The following GPHN variants were observed in gnomAD, a reference collection of about 807,000 sequenced individuals.
GPHN encodes gephyrin.
A neutral mutation model predicts 95.5 loss-of-function variants in GPHN; 17 were observed. The ratio of observed to expected loss-of-function variants is 0.18; its 90% CI spans 0.12 to 0.27. The LOEUF (loss-of-function observed/expected upper bound fraction) is 0.27, where lower values mean the gene tolerates loss of function less well. Among genes scored for constraint, GPHN ranks in the 10% least tolerant of loss-of-function variants. The pLI is 1.00. For synonymous variants in GPHN, 320 were observed against 322.5 expected, an observed-to-expected ratio of 0.99 and a Z score of 0.08; for missense variants, 660 against 978.1, an observed-to-expected ratio of 0.67 and a Z score of 4.34.
chr14:67,433,324 T>A, the GPHN span, among the ~76,000 whole-genome samples: 5 of 151,858 alleles, frequency 3.3e-5, no homozygotes, highest in African/African-American at 1.2e-4. Flanking sequence ...AGAATGAGAG[T>A]AAGAGTGGGA....
chr14:67,662,036 T>G, the GPHN span, among the ~76,000 whole-genome samples: 2 of 152,014 alleles, frequency 1.3e-5, no homozygotes, highest in Middle Eastern at 6.8e-3. Flanking sequence ...CCCACCTGTA[T>G]TCCCAGCTAC....
At chr14:67,091,913 G>A (rs973370116) in intron 12 of GPHN, among the ~76,000 whole-genome samples, 10 of 151,490 alleles carry the variant, frequency 6.6e-5, no homozygotes, top group East Asian at 5.8e-4. Context: ...ATTATCTACC[G>A]TGAAGCTGAT....
the GPHN span, among the ~76,000 whole-genome samples, chr14:67,373,842 A>AGTGTGTGTGTGTGTGT: frequency 3.0e-4 from 44 of 145,798 alleles, no homozygotes; most frequent in African/African-American, 8.2e-4. Flanking sequence ...TAATTTGTTC[A>AGTGTGTGTGTGTGTGT]GTGTGTGTGT....
intron 1 of GPHN, among the ~76,000 whole-genome samples, chr14:66,545,772 G>A (rs865876247): frequency 1.5e-4 from 23 of 148,582 alleles, no homozygotes; most frequent in Middle Eastern, 3.7e-3. Flanking sequence ...GGGGCAGCTG[G>A]CCGGGCAGAG....
chr14:67,073,313 G>C (rs776199497), intron 11 of GPHN, among the ~76,000 whole-genome samples: 1 of 152,116 alleles, frequency 6.6e-6, no homozygotes, highest in South Asian at 2.1e-4. Flanking sequence ...CCCATTGGAC[G>C]TAAGTGCTAC....
At chr14:67,639,240 T>G in the GPHN span, among the ~76,000 whole-genome samples, 1 of 152,250 alleles carries the variant, frequency 6.6e-6, no homozygotes, top group East Asian at 1.9e-4. Flanking sequence ...TATCTGAGTC[T>G]ACATCCTGGT....
intron 1 of GPHN, among the ~76,000 whole-genome samples, chr14:66,550,714 C>T (rs149814205): frequency 0.013 from 2,022 of 152,294 alleles, 21 homozygotes; most frequent in Middle Eastern, 0.02. Context: ...ATTGCCACAG[C>T]CACCCCAACC....
intron 2 of GPHN, among the ~76,000 whole-genome samples, chr14:66,704,799 G>C (rs974000889): frequency 6.6e-6 from 1 of 152,042 alleles, no homozygotes; most frequent in African/African-American, 2.4e-5. Flanking sequence ...TAGAAGACAA[G>C]AAATAACTAA....
chr14:67,726,512 T>A, the GPHN span, among the ~76,000 whole-genome samples: 15 of 152,158 alleles, frequency 9.9e-5, no homozygotes, highest in Non-Finnish European at 1.9e-4. Context: ...AACCAAGCCA[T>A]GGGTTGGTCC....
the GPHN span, among the ~76,000 whole-genome samples, chr14:67,644,997 TA>T: frequency 0.035 from 4,633 of 132,368 alleles, 211 homozygotes; most frequent in African/African-American, 0.11. Flanking sequence ...GACTCCGTCT[TA>T]AAAAAAAAAA....
intron 4 of GPHN, among the ~76,000 whole-genome samples, chr14:66,863,656 A>T (rs943293452): frequency 6.6e-6 from 1 of 152,210 alleles, no homozygotes; most frequent in Non-Finnish European, 1.5e-5. Flanking sequence ...GAATCTAAAA[A>T]TAAATTTATA....
At chr14:67,147,329 T>C (rs146327828) in intron 18 of GPHN, among the ~76,000 whole-genome samples, 1 of 152,306 alleles carries the variant, frequency 6.6e-6, no homozygotes, top group Non-Finnish European at 1.5e-5. Flanking sequence ...CATAAACTAT[T>C]GACTATAGCT....
intron 1 of GPHN, among the ~76,000 whole-genome samples, chr14:66,510,211 A>T (rs993767328): frequency 2.4e-4 from 37 of 152,208 alleles, no homozygotes; most frequent in African/African-American, 8.4e-4. Flanking sequence ...GTCAAAGTGT[A>T]TATCTTTTAT....
chr14:67,321,222 A>C, the GPHN span: 2 of 1,614,214 alleles, frequency 1.2e-6, no homozygotes, highest in Non-Finnish European at 1.7e-6. Flanking sequence ...CAAGTGATCA[A>C]CTCTGGCAAA....
At chr14:67,664,817 T>C in the GPHN span, among the ~76,000 whole-genome samples, 1 of 152,202 alleles carries the variant, frequency 6.6e-6, no homozygotes, top group African/African-American at 2.4e-5. Flanking sequence ...GGGTATTCAG[T>C]TGCTGTCCTG....
intron 8 of GPHN, among the ~76,000 whole-genome samples, chr14:66,954,689 C>T (rs2068363120): frequency 6.6e-6 from 1 of 152,142 alleles, no homozygotes; most frequent in East Asian, 1.9e-4. Flanking sequence ...AGTAGACATC[C>T]TTTTTCCTGA....
chr14:67,213,655 T>C, the GPHN span, among the ~76,000 whole-genome samples: 1 of 152,082 alleles, frequency 6.6e-6, no homozygotes, highest in South Asian at 2.1e-4. Context: ...AGCAGCATGA[T>C]TTATAGTCCT....
intron 1 of GPHN, among the ~76,000 whole-genome samples, chr14:66,679,367 T>G (rs919897323): frequency 2.0e-5 from 3 of 152,234 alleles, no homozygotes; most frequent in Non-Finnish European, 4.4e-5. Context: ...CTGACTGTTG[T>G]TAAAGTGTTC....
At chr14:66,723,329 ATAACCTTTTGGTTATAAAAGGT>A (rs1414416468) in intron 2 of GPHN, among the ~76,000 whole-genome samples, 117 of 151,562 alleles carry the variant, frequency 7.7e-4, no homozygotes, top group Admixed American at 1.4e-3. Context: ...ATAAAAGGTT[ATAACCTTTTGGTTATAAAAGGT>A]TAACCTTTTG....
Sources: gnomAD v4.1 joint callset for allele counts (sites outside exome capture counted in the v4.1 genomes callset) on GRCh38, gnomAD v4.1.1 for gene constraint, MANE v1.5 for transcripts, NCBI Gene and HGNC (gene_info 2026-07-23, HGNC 2026-07-21) for gene names.